The following XDH variants were observed in gnomAD, a reference collection of about 807,000 sequenced individuals.
XDH encodes the protein xanthine dehydrogenase, also known as xanthine dehydrogenase/oxidase.
In XDH, 138 loss-of-function variants were observed where a neutral mutation model predicts 156.1. The observed-to-expected ratio is 0.88, with a 90% CI of 0.77 to 1.02. The LOEUF (loss-of-function observed/expected upper bound fraction) is 1.02, where lower values mean the gene tolerates loss of function less well. XDH is among the 50% of genes least tolerant of loss of function. The pLI is 0.00. For synonymous variants in XDH, 669 were observed against 625.7 expected, an observed-to-expected ratio of 1.07 and a Z score of -1.03; for missense variants, 1,849 against 1,684.9, an observed-to-expected ratio of 1.10 and a Z score of -1.71.
At chr2:31,413,570 A>C (rs536069647) in intron 1 of XDH, among the ~76,000 whole-genome samples, 1 of 152,342 alleles carries the variant, frequency 6.6e-6, no homozygotes, top group South Asian at 2.1e-4. Context: ...TTTAAGACCT[A>C]GGAGTCCAGT....
At chr2:31,399,651 C>T (rs1687002918) in intron 4 of XDH, among the ~76,000 whole-genome samples, 1 of 152,154 alleles carries the variant, frequency 6.6e-6, no homozygotes. Flanking sequence ...GCGAGAGGGA[C>T]CCTGTGGGAG....
chr2:31,382,308 T>C (rs1296647860), intron 11 of XDH, among the ~76,000 whole-genome samples: 1 of 152,132 alleles, frequency 6.6e-6, no homozygotes, highest in East Asian at 1.9e-4. Flanking sequence ...CTACAGTTTA[T>C]GTTTCCTTAT....
chr2:31,368,188 C>T (rs1224253606), intron 19 of XDH, 131 bp from the exon 20 acceptor site: 4 of 859,058 alleles, frequency 4.7e-6, no homozygotes, highest in East Asian at 2.5e-5. Context: ...ATATGCTTCA[C>T]ATACAGACTT....
chr2:31,399,099 A>C (rs2148004474), intron 4 of XDH, among the ~76,000 whole-genome samples: 1 of 152,352 alleles, frequency 6.6e-6, no homozygotes. Flanking sequence ...ATATGACAGA[A>C]ACAGTCAAAG....
chr2:31,387,978 C>G, intron 7 of XDH, 81 bp from the exon 8 acceptor site: 1 of 1,454,952 alleles, frequency 6.9e-7, no homozygotes, highest in Admixed American at 2.0e-5. Context: ...CCTTTCCTTC[C>G]AGCAAGCTCA....
At chr2:31,396,172 G>C (rs994786669) in intron 6 of XDH, among the ~76,000 whole-genome samples, 1 of 152,226 alleles carries the variant, frequency 6.6e-6, no homozygotes, top group Admixed American at 6.5e-5. Context: ...GCTGCTCAGA[G>C]CTCTCAGTCT....
chr2:31,336,156 G>T (rs1253315040), intron 35 of XDH, 148 bp from the exon 36 acceptor site: 1 of 841,308 alleles, frequency 1.2e-6, no homozygotes, highest in South Asian at 1.4e-5. Context: ...ATGCCTCAGG[G>T]CAGGACTCCT....
intron 3 of XDH, 44 bp from the exon 4 acceptor site, chr2:31,401,372 A>G (rs764872289): frequency 1.2e-6 from 2 of 1,600,510 alleles, no homozygotes; most frequent in East Asian, 2.2e-5. Flanking sequence ...GTCCACTCAG[A>G]TCATCAGAAT....
intron 9 of XDH, 113 bp from the exon 10 acceptor site, chr2:31,383,960 A>C: frequency 1.1e-6 from 1 of 938,268 alleles, no homozygotes; most frequent in Non-Finnish European, 1.7e-6. Flanking sequence ...CACAATCATA[A>C]TATGCTCTCT....
intron 13 of XDH, 144 bp downstream of exon 13, chr2:31,379,723 A>C (rs1471635396): frequency 7.1e-6 from 6 of 849,574 alleles, no homozygotes; most frequent in Non-Finnish European, 1.2e-5. Context: ...GGTTCAACAG[A>C]GGCAAAGTTC....
intron 33 of XDH, among the ~76,000 whole-genome samples, chr2:31,340,802 T>A (rs1685105706): frequency 1.3e-5 from 2 of 152,180 alleles, no homozygotes; most frequent in African/African-American, 4.8e-5. Flanking sequence ...TAATCCCATA[T>A]TCTCCTAAAG....
rs1685238385 is a variant in XDH at position 31,344,859 on chromosome 2, C to T, written c.3352-123G>A. On this transcript the variant is annotated intron_variant, in intron 30 of 35. Transcript: ENST00000379416. ...ATCAACTCATTTTACTAGTGACTCC[C>T]ATTTCCATACCTTACCTTACATTGT... 6 of 964,618 alleles carry T rather than the reference C, an allele frequency of 6.2e-6. No individual in the cohort carries two copies. In the South Asian group the frequency reaches 6.9e-5, roughly 11 times the overall value. 59.8% of individuals were successfully genotyped at this position (964,618 alleles called of 1,614,324 possible).
chr2:31,391,368 A>G (rs1049077154), intron 6 of XDH, among the ~76,000 whole-genome samples: 3 of 152,128 alleles, frequency 2.0e-5, no homozygotes, highest in Admixed American at 6.5e-5. Flanking sequence ...TAGTATGGAC[A>G]GTGTCCATAC....
At chr2:31,369,473 G>A (rs1164318278) in intron 18 of XDH, among the ~76,000 whole-genome samples, 2 of 152,166 alleles carry the variant, frequency 1.3e-5, no homozygotes, top group Admixed American at 1.3e-4. Flanking sequence ...CATCACTTTA[G>A]AAGATGAAGT....
chr2:31,390,153 C>A (rs180924773), intron 6 of XDH, among the ~76,000 whole-genome samples: 1 of 152,292 alleles, frequency 6.6e-6, no homozygotes, highest in Non-Finnish European at 1.5e-5. Context: ...CCTAAAAAAC[C>A]TCTGTACCCT....
chr2:31,363,114 C>T (rs1252967081), intron 24 of XDH, among the ~76,000 whole-genome samples: 1 of 152,050 alleles, frequency 6.6e-6, no homozygotes, highest in Non-Finnish European at 1.5e-5. Flanking sequence ...GAGTTCGAGA[C>T]CAGCCTCATC....
At chr2:31,345,778 G>T (rs898360963) in intron 30 of XDH, among the ~76,000 whole-genome samples, 1 of 152,136 alleles carries the variant, frequency 6.6e-6, no homozygotes, top group African/African-American at 2.4e-5. Flanking sequence ...ATTTATTGGG[G>T]TTATCTGTTT....
At chr2:31,386,276 TG>T in intron 9 of XDH, 137 bp downstream of exon 9, 1 of 1,187,910 alleles carries the variant, frequency 8.4e-7, no homozygotes, top group Non-Finnish European at 1.2e-6. Context: ...GGATTTCCAG[TG>T]GGCTCCAGGT....
At position 31,366,122 on chromosome 2, in the gene XDH, G is replaced by T; in HGVS notation, c.2323-13C>A. 1 of 1,614,220 alleles carries T rather than the reference G, an allele frequency of 6.2e-7. No homozygotes were observed. The highest frequency in any genetic ancestry group is 8.5e-7 in the Non-Finnish European group (1 of 1,180,046). On this transcript the variant is annotated splice_polypyrimidine_tract_variant and intron_variant, in intron 21 of 35. Coordinates refer to ENST00000379416, the MANE Select transcript of XDH (RefSeq NM_000379.4). ...TTGCAACAAAGCTCTGTGAGTGAAAGACAGAACATTCGCACTGAATGCATT... is the reference window on the plus strand; with the variant it reads ...TTGCAACAAAGCTCTGTGAGTGAAATACAGAACATTCGCACTGAATGCATT...
Sources: gnomAD v4.1 joint callset for allele counts (sites outside exome capture counted in the v4.1 genomes callset) on GRCh38, gnomAD v4.1.1 for gene constraint, MANE v1.5 for transcripts, NCBI Gene and HGNC (gene_info 2026-07-23, HGNC 2026-07-21) for gene names.